Variants in ABCA8 observed in about 807,000 individuals in gnomAD.
The protein encoded by ABCA8 is ATP binding cassette subfamily A member 8.
A neutral mutation model predicts 192.3 loss-of-function variants in ABCA8; 177 were observed. The ratio of observed to expected loss-of-function variants is 0.92; its 90% CI spans 0.81 to 1.04. ABCA8 has a LOEUF of 1.04. Among genes scored for constraint, ABCA8 ranks in the 50% least tolerant of loss-of-function variants. The pLI is 0.00. For synonymous variants in ABCA8, 642 were observed against 690.2 expected (o/e 0.93, Z 1.09); for missense variants, 1,915 against 1,904.8 (o/e 1.01, Z -0.10).
At chr17:68,881,795 T>C in intron 31 of ABCA8, 68 bp downstream of exon 31, 1 of 1,095,762 alleles carries the variant, frequency 9.1e-7, no homozygotes, top group Non-Finnish European at 1.4e-6. Context: ...TCCAGAATAA[T>C]GCTCATTAGG....
intron 37 of ABCA8, 50 bp from the exon 38 acceptor site, chr17:68,869,829 G>A (rs1462533939): frequency 2.5e-6 from 3 of 1,206,480 alleles, no homozygotes; most frequent in African/African-American, 3.0e-5. Context: ...TGCCAGATGT[G>A]AACTGATGGC....
chr17:68,871,952 A>G (rs2066069611), intron 37 of ABCA8, among the ~76,000 whole-genome samples: 1 of 152,194 alleles, frequency 6.6e-6, no homozygotes, highest in Non-Finnish European at 1.5e-5. Context: ...AGAGTGTACT[A>G]CTTCTACTTA....
intron 38 of ABCA8, among the ~76,000 whole-genome samples, chr17:68,868,705 A>G (rs1258428089): frequency 6.6e-6 from 1 of 152,142 alleles, no homozygotes; most frequent in Non-Finnish European, 1.5e-5. Flanking sequence ...CTTGTATCAG[A>G]AGATTATGGA....
intron 24 of ABCA8, 134 bp from the exon 25 acceptor site, chr17:68,887,640 G>A (rs1266227738): frequency 2.8e-6 from 2 of 714,398 alleles, no homozygotes; most frequent in Admixed American, 3.1e-5. Context: ...ACTAAGGGAT[G>A]TGGATAGTTA....
Position 68,902,753 on chromosome 17 carries a change from T to C in ABCA8, c.2724A>G (p.Pro908=). 1 of 1,613,856 alleles carries C rather than the reference T, an allele frequency of 6.2e-7. No individual in the cohort carries two copies. Among genetic ancestry groups the C allele is most frequent in the Non-Finnish European group, 8.5e-7 (1 of 1,179,772 alleles). The change falls in exon 21 of 40, where the codon CCA becomes CCG. Residue 908 remains proline, a synonymous_variant. Transcript: ENST00000586539. The part of the protein sequence containing the change: ...HLYFLAPGQQ[P]HDPLTQLLII... ...TCAGTAGTTGAGTGAGAGGGTCATG[T>C]GGTTGTTGTCCAGGAGCAAGGAAAT...
intron 24 of ABCA8, among the ~76,000 whole-genome samples, chr17:68,888,250 A>G (rs1402958383): frequency 6.6e-6 from 1 of 151,936 alleles, no homozygotes; most frequent in Non-Finnish European, 1.5e-5. Context: ...AATGTATTTT[A>G]CATTATTTGT....
At chr17:68,888,359 T>C (rs190905644) in intron 24 of ABCA8, among the ~76,000 whole-genome samples, 1 of 152,284 alleles carries the variant, frequency 6.6e-6, no homozygotes, top group East Asian at 1.9e-4. Context: ...TAAACTATTC[T>C]AAGAGTTGTG....
intron 32 of ABCA8, 69 bp from the exon 33 acceptor site, chr17:68,877,748 T>G (rs2066244552): frequency 1.4e-6 from 2 of 1,470,226 alleles, no homozygotes; most frequent in South Asian, 2.8e-5. Flanking sequence ...CATGACATCA[T>G]TCTCTTCACG....
chr17:68,913,399 G>T (rs1252646901), intron 17 of ABCA8, among the ~76,000 whole-genome samples: 3 of 150,738 alleles, frequency 2.0e-5, no homozygotes, highest in African/African-American at 7.3e-5. Flanking sequence ...ATAAACATCA[G>T]AGCAGAAATA....
chr17:68,924,377 G>A (rs1259028103), intron 11 of ABCA8, among the ~76,000 whole-genome samples: 2 of 151,824 alleles, frequency 1.3e-5, no homozygotes, highest in Non-Finnish European at 2.9e-5. Context: ...GATGAGGTGG[G>A]GACAAAGAGT....
chr17:68,877,905 A>C, intron 32 of ABCA8: 1 of 421,810 alleles, frequency 2.4e-6, no homozygotes, highest in Non-Finnish European at 4.1e-6. Flanking sequence ...AAAATCCAAT[A>C]TCCCATAAAT....
chr17:68,887,961 T>TACACACAC (rs2066531227), intron 24 of ABCA8, among the ~76,000 whole-genome samples: 1 of 135,724 alleles, frequency 7.4e-6, no homozygotes, highest in Non-Finnish European at 1.6e-5. Flanking sequence ...TATGGATATA[T>TACACACAC]ATACACACAC....
chr17:68,924,981 G>T (rs2067657729), intron 10 of ABCA8, 112 bp from the exon 11 acceptor site: 1 of 1,075,634 alleles, frequency 9.3e-7, no homozygotes, highest in African/African-American at 1.6e-5. Context: ...TGAACATGTG[G>T]TCAACAGCAG....
chr17:68,934,361 G>C (rs1337678176), intron 5 of ABCA8, among the ~76,000 whole-genome samples: 3 of 152,024 alleles, frequency 2.0e-5, no homozygotes, highest in African/African-American at 7.2e-5. Context: ...AAATATATCT[G>C]TATTGGTCAG....
intron 33 of ABCA8, chr17:68,877,130 G>A (rs1332707676): frequency 5.9e-6 from 1 of 168,996 alleles, no homozygotes; most frequent in African/African-American, 2.4e-5. Flanking sequence ...AGTTTCCCAA[G>A]TAGCTGGGAC....
chr17:68,902,548 A>G (rs918286564), intron 21 of ABCA8, among the ~76,000 whole-genome samples, 165 bp downstream of exon 21: 1 of 152,212 alleles, frequency 6.6e-6, no homozygotes, highest in Non-Finnish European at 1.5e-5. Flanking sequence ...TACTTTACCT[A>G]TTCCTGCTTC....
chr17:68,876,656 T>G lies in ABCA8; in HGVS notation c.4247A>C (p.Lys1416Thr). 15 of 1,614,158 alleles carry G rather than the reference T, an allele frequency of 9.3e-6. No homozygotes were observed. The highest frequency in any genetic ancestry group is 1.3e-5 in the Non-Finnish European group (15 of 1,180,016). Residue 1416 changes from lysine to threonine, a missense_variant, in exon 34 of 40, where the codon AAG becomes ACG. Coordinates refer to ENST00000586539, the MANE Select transcript of ABCA8 (RefSeq NM_001288985.2). ...TCTCTTTATTCCCTCTGACAAGGTC[T>G]TCACGGGAGACTTCAGCTGGTCCTG... ...KLQDQLKSPV[K>T]TLSEGIKRKL...
Position 68,881,893 on chromosome 17 carries a change from T to C in ABCA8, c.3916A>G (p.Thr1306Ala). 6.2e-7 allele frequency: 1 copy of C among 1,614,132 alleles called. No homozygotes were observed. The highest frequency in any genetic ancestry group is 8.5e-7 in the Non-Finnish European group (1 of 1,179,950). Residue 1306 changes from threonine (T) to alanine (A), a missense_variant, in exon 31 of 40, where the codon ACG (threonine) becomes GCG (alanine). By Grantham distance (58) the Thr-to-Ala change is moderately conservative (BLOSUM62 0). Coordinates refer to ENST00000586539, the MANE Select transcript of ABCA8 (RefSeq NM_001288985.2). Reference protein sequence around the residue: ...CFSKRKNKIATRNVSFCVRKG... With the variant: ...CFSKRKNKIAARNVSFCVRKG... ...CTAACACAGAAGGAGACATTTCTCG[T>C]GGCTATCTTATTCTTCCTCTTGGAA...
intron 22 of ABCA8, 119 bp downstream of exon 22, chr17:68,894,761 A>C (rs1398319286): frequency 8.7e-7 from 1 of 1,148,038 alleles, no homozygotes; most frequent in Non-Finnish European, 1.2e-6. Context: ...CAATTCACTA[A>C]GTAATAAATG....
Sources: allele counts gnomAD v4.1 joint callset (sites outside exome capture counted in the v4.1 genomes callset), GRCh38; gene constraint gnomAD v4.1.1; transcripts MANE v1.5; gene names NCBI Gene and HGNC (gene_info 2026-07-23, HGNC 2026-07-21).